The following PTPRD variants were observed in gnomAD, a reference collection of about 807,000 sequenced individuals.
PTPRD encodes the protein receptor-type tyrosine-protein phosphatase delta.
In PTPRD, 34 loss-of-function variants were observed where a neutral mutation model predicts 214.5. The observed-to-expected ratio is 0.16, with a 90% confidence interval of 0.12 to 0.21. The LOEUF (loss-of-function observed/expected upper bound fraction) is 0.21. PTPRD is among the 10% of genes least tolerant of loss of function. PTPRD has a pLI of 1.00. For missense variants in PTPRD, 2,545 were observed against 2,398.7 expected (o/e 1.06, Z -1.27); for synonymous variants, 1,128 against 845.7 (o/e 1.33, Z -5.79).
intron 6 of PTPRD, among the ~76,000 whole-genome samples, chr9:9,736,903 G>A (rs1364990161): frequency 6.6e-6 from 1 of 151,808 alleles, no homozygotes; most frequent in Non-Finnish European, 1.5e-5. Flanking sequence ...CTCACTTACT[G>A]TTTCTTACGT....
chr9:9,412,500 C>G (rs888049639), intron 8 of PTPRD, among the ~76,000 whole-genome samples: 1 of 152,036 alleles, frequency 6.6e-6, no homozygotes, highest in Non-Finnish European at 1.5e-5. Flanking sequence ...TCAGTCTGTT[C>G]TCTTCTTTAG....
At chr9:10,056,367 G>T (rs1301693136) in intron 3 of PTPRD, among the ~76,000 whole-genome samples, 1 of 150,652 alleles carries the variant, frequency 6.6e-6, no homozygotes, top group African/African-American at 2.4e-5. Flanking sequence ...TTCTGAAGAT[G>T]CACCTTTCTT....
intron 3 of PTPRD, among the ~76,000 whole-genome samples, chr9:10,287,356 C>G (rs759623655): frequency 5.3e-5 from 8 of 152,226 alleles, no homozygotes; most frequent in South Asian, 2.1e-4. Flanking sequence ...AACAGGATGC[C>G]TCTACATAGC....
chr9:8,400,235 A>G (rs12350567), intron 36 of PTPRD, among the ~76,000 whole-genome samples: 4,163 of 152,272 alleles, frequency 0.027, 191 homozygotes, highest in African/African-American at 0.095. Flanking sequence ...GCAATAATTA[A>G]TTTTTGCTAA....
At chr9:8,463,997 G>C (rs1325881352) in intron 32 of PTPRD, among the ~76,000 whole-genome samples, 1 of 151,902 alleles carries the variant, frequency 6.6e-6, no homozygotes, top group Non-Finnish European at 1.5e-5. Context: ...ATAGAATAAA[G>C]GGGCAACTTC....
rs115487147 is a variant in PTPRD at position 10,071,246 on chromosome 9, T to A, written c.-544-37456A>T. Among the ~76,000 whole-genome samples the A allele has an allele frequency of 4.2e-3, 641 of 152,148 alleles. 7 individuals carry two copies. Among genetic ancestry groups the A allele is most frequent in the African/African-American group, 0.014 (594 of 41,552 alleles). ...TTCATTCAAATCCAAGCAAGATATTTTGTATATATGGATAACCTGATTCTT... is the reference window on the plus strand; with the variant it reads ...TTCATTCAAATCCAAGCAAGATATTATGTATATATGGATAACCTGATTCTT... On this transcript the variant is annotated intron_variant, in intron 3 of 45. Transcript: ENST00000381196.
At chr9:9,699,913 C>A (rs955899044) in intron 7 of PTPRD, among the ~76,000 whole-genome samples, 1 of 152,108 alleles carries the variant, frequency 6.6e-6, no homozygotes, top group Non-Finnish European at 1.5e-5. Flanking sequence ...TGTGAGATAA[C>A]CCTGTACAGC....
Position 9,007,483 on chromosome 9 carries a change from A to T in PTPRD, c.-104+11214T>A, listed in dbSNP as rs879776702. On this transcript the variant is annotated intron_variant, in intron 11 of 45. Transcript: ENST00000381196. ...GAATTTTAAAAATATATTTTTTTTT[A>T]TGTGCTTGACCCTATTACTTTTTTC... Among the ~76,000 whole-genome samples the T allele has an allele frequency of 3.6e-3, 542 of 149,496 alleles. 7 individuals carry two copies. Among genetic ancestry groups the T allele is most frequent in the Non-Finnish European group, 5.6e-3 (376 of 67,118 alleles).
At chr9:9,134,105 G>T (rs1218095217) in intron 10 of PTPRD, among the ~76,000 whole-genome samples, 3 of 105,688 alleles carry the variant, frequency 2.8e-5, no homozygotes, top group Non-Finnish European at 4.9e-5. Context: ...TCGCTCTGTC[G>T]CCCAGGCTGG....
chr9:9,986,199 G>C (rs2095704963), intron 4 of PTPRD, among the ~76,000 whole-genome samples: 1 of 152,108 alleles, frequency 6.6e-6, no homozygotes, highest in African/African-American at 2.4e-5. Flanking sequence ...GAACGCTCCA[G>C]AATGCCGAAA....
At chr9:10,203,258 A>G (rs2099441081) in intron 3 of PTPRD, among the ~76,000 whole-genome samples, 1 of 150,414 alleles carries the variant, frequency 6.6e-6, no homozygotes, top group Admixed American at 6.7e-5. Flanking sequence ...CTTGGTGGCT[A>G]GCACACAGGA....
intron 44 of PTPRD, among the ~76,000 whole-genome samples, chr9:8,329,898 C>CAGCTGTACTCGCAGTGAG (rs1838078248): frequency 6.6e-6 from 1 of 152,056 alleles, no homozygotes; most frequent in Non-Finnish European, 1.5e-5. Flanking sequence ...GGACCTCAGA[C>CAGCTGTACTCGCAGTGAG]AGCTGTACTC....
intron 40 of PTPRD, among the ~76,000 whole-genome samples, 162 bp downstream of exon 40, chr9:8,341,528 TAGA>T (rs1301221658): frequency 3.3e-5 from 5 of 152,008 alleles, no homozygotes; most frequent in Admixed American, 6.6e-5. Flanking sequence ...AAGCAAAGAA[TAGA>T]AGAGGAAAAG....
At chr9:10,162,867 C>T (rs2154290588) in intron 3 of PTPRD, among the ~76,000 whole-genome samples, 1 of 150,122 alleles carries the variant, frequency 6.7e-6, no homozygotes, top group Non-Finnish European at 1.5e-5. Flanking sequence ...TTGTCACATG[C>T]ATATTATTAT....
chr9:8,484,079 A>G (rs779318803), intron 30 of PTPRD, 40 bp downstream of exon 30: 19 of 1,589,000 alleles, frequency 1.2e-5, no homozygotes, highest in Admixed American at 1.7e-5. Flanking sequence ...CTATTTACCT[A>G]TAATTCTTTC....
At chr9:10,203,082 T>C (rs2099438108) in intron 3 of PTPRD, among the ~76,000 whole-genome samples, 1 of 151,834 alleles carries the variant, frequency 6.6e-6, no homozygotes, top group South Asian at 2.1e-4. Flanking sequence ...CTTCTCTTGA[T>C]GTATCAGAGT....
At chr9:8,589,461 A>C (rs2093932136) in intron 14 of PTPRD, among the ~76,000 whole-genome samples, 1 of 152,208 alleles carries the variant, frequency 6.6e-6, no homozygotes, top group Non-Finnish European at 1.5e-5. Context: ...TATTCTCAAG[A>C]AATACAATAA....
chr9:9,819,370 G>C (rs1481578506), intron 5 of PTPRD, among the ~76,000 whole-genome samples: 2 of 152,128 alleles, frequency 1.3e-5, no homozygotes, highest in African/African-American at 2.4e-5. Context: ...CTTTGGCGGA[G>C]GTTTAATAAG....
chr9:8,740,511 C>T lies in PTPRD; in HGVS notation c.-103-6565G>A, dbSNP rs971349155. 4.6e-5 allele frequency among the ~76,000 whole-genome samples: 7 copies of T among 152,196 alleles called. No individual in the cohort carries two copies. The East Asian group carries it at 5.8e-4, about 13-fold the overall frequency. ...GCACCAAAAGCTTTAATGTCAATTA[C>T]GGAAAATATTACTGAGAAAAGGGGC... is the stretch of plus-strand genomic sequence containing the variant. On this transcript the variant is annotated intron_variant, in intron 11 of 45. Coordinates refer to ENST00000381196, the MANE Select transcript of PTPRD (RefSeq NM_002839.4).
Sources: gnomAD v4.1 joint callset for allele counts (sites outside exome capture counted in the v4.1 genomes callset) on GRCh38, gnomAD v4.1.1 for gene constraint, MANE v1.5 for transcripts, NCBI Gene and HGNC (gene_info 2026-07-23, HGNC 2026-07-21) for gene names.